TAFA1: variants seen among roughly 807,000 people sequenced by gnomAD.
The protein encoded by TAFA1 is chemokine-like protein TAFA-1.
Under a neutral mutation model 18.5 loss-of-function variants are expected in TAFA1, and 4 were observed. That is an observed-to-expected ratio of 0.22 (90% CI 0.11 to 0.49). The LOEUF (loss-of-function observed/expected upper bound fraction) is 0.49, where lower values mean the gene tolerates loss of function less well. Ranked by LOEUF, TAFA1 falls within the 20% of genes least tolerant of loss-of-function variation. TAFA1 has a pLI of 0.98. For synonymous variants in TAFA1, 56 were observed against 55.2 expected, an observed-to-expected ratio of 1.01 and a Z score of -0.06; for missense variants, 147 against 169.0, an observed-to-expected ratio of 0.87 and a Z score of 0.72.
chr3:68,528,291 T>C (rs1485238498), intron 3 of TAFA1, among the ~76,000 whole-genome samples: 1 of 152,186 alleles, frequency 6.6e-6, no homozygotes, highest in Non-Finnish European at 1.5e-5. Flanking sequence ...GAAAACTTAA[T>C]CTTGAACTAA....
intron 2 of TAFA1, among the ~76,000 whole-genome samples, chr3:68,337,707 T>G (rs1399206411): frequency 1.3e-5 from 2 of 152,184 alleles, no homozygotes; most frequent in African/African-American, 4.8e-5. Context: ...TCTACCCTCT[T>G]AAATGTTTAA....
chr3:68,177,293 T>A (rs1287214148), intron 2 of TAFA1, among the ~76,000 whole-genome samples: 1 of 152,206 alleles, frequency 6.6e-6, no homozygotes, highest in Non-Finnish European at 1.5e-5. Context: ...TCAACATTAA[T>A]GATCAGAGAA....
At chr3:68,117,846 A>G (rs1458787789) in intron 2 of TAFA1, among the ~76,000 whole-genome samples, 2 of 152,166 alleles carry the variant, frequency 1.3e-5, no homozygotes, top group East Asian at 3.8e-4. Flanking sequence ...AATTGTGGTA[A>G]AATATGCACA....
intron 2 of TAFA1, among the ~76,000 whole-genome samples, chr3:68,213,216 C>T (rs1026033888): frequency 3.3e-5 from 5 of 151,880 alleles, no homozygotes; most frequent in African/African-American, 1.2e-4. Flanking sequence ...TGGATGACTA[C>T]CAAGAGACTT....
At chr3:68,068,996 T>C (rs996252426) in intron 2 of TAFA1, among the ~76,000 whole-genome samples, 2 of 152,160 alleles carry the variant, frequency 1.3e-5, no homozygotes, top group Admixed American at 6.5e-5. Context: ...ATTCAAGAGA[T>C]CTAGAGGAGG....
chr3:68,526,650 A>T (rs1482715502), intron 3 of TAFA1, among the ~76,000 whole-genome samples: 1 of 152,186 alleles, frequency 6.6e-6, no homozygotes, highest in Non-Finnish European at 1.5e-5. Context: ...TATATTATAG[A>T]GTCTAATAGT....
In TAFA1 at chr3:68,006,606, G is replaced by A. The variant is rs760410442; in HGVS notation, c.-3-18G>A. On this transcript the variant is annotated intron_variant, in intron 1 of 4. Coordinates refer to ENST00000478136, the MANE Select transcript of TAFA1 (RefSeq NM_213609.4). ...CTTGAAGCCGGAGGTAACCTTTCCT[G>A]TCGAATGTTCTCTTTAGAGAATGGC... 5 of 1,578,136 alleles carry A rather than the reference G, an allele frequency of 3.2e-6. No homozygotes were observed. The highest frequency in any genetic ancestry group is 3.5e-6 in the Non-Finnish European group (4 of 1,147,270).
At chr3:68,144,089 G>A (rs953331181) in intron 2 of TAFA1, among the ~76,000 whole-genome samples, 3 of 151,884 alleles carry the variant, frequency 2.0e-5, no homozygotes, top group African/African-American at 7.3e-5. Flanking sequence ...ACAAATTTAA[G>A]GGCCGTGGGA....
chr3:68,262,786 G>A (rs2067461674), intron 2 of TAFA1, among the ~76,000 whole-genome samples: 1 of 152,114 alleles, frequency 6.6e-6, no homozygotes, highest in Non-Finnish European at 1.5e-5. Flanking sequence ...ACATTCCTTT[G>A]TGTATATACC....
chr3:68,383,185 G>T (rs536301226), intron 2 of TAFA1, among the ~76,000 whole-genome samples: 2 of 151,672 alleles, frequency 1.3e-5, no homozygotes, highest in Admixed American at 1.3e-4. Flanking sequence ...ATTTCTTTCT[G>T]TTGTCTGATT....
intron 2 of TAFA1, among the ~76,000 whole-genome samples, chr3:68,106,296 A>G (rs1372321197): frequency 6.6e-6 from 1 of 152,166 alleles, no homozygotes; most frequent in Non-Finnish European, 1.5e-5. Context: ...GTGCTATCCA[A>G]GTGGAATACT....
At chr3:68,112,412 A>G (rs761672410) in intron 2 of TAFA1, among the ~76,000 whole-genome samples, 1 of 152,240 alleles carries the variant, frequency 6.6e-6, no homozygotes, top group African/African-American at 2.4e-5. Context: ...CAATTAATAC[A>G]GAAAAAGTGT....
intron 2 of TAFA1, among the ~76,000 whole-genome samples, chr3:68,266,947 G>A (rs200430401): frequency 3.5e-5 from 3 of 85,050 alleles, no homozygotes; most frequent in Admixed American, 1.5e-4. Context: ...AAGAACCTTC[G>A]GTGGACTCCA....
chr3:68,534,899 G>T (rs574797038), intron 3 of TAFA1, among the ~76,000 whole-genome samples: 1 of 151,962 alleles, frequency 6.6e-6, no homozygotes, highest in Non-Finnish European at 1.5e-5. Context: ...AAAAAAAAAT[G>T]CAAAAAGCTG....
At chr3:68,059,411 C>T (rs2064574796) in intron 2 of TAFA1, among the ~76,000 whole-genome samples, 1 of 152,150 alleles carries the variant, frequency 6.6e-6, no homozygotes, top group Non-Finnish European at 1.5e-5. Flanking sequence ...CTCAAGGTCA[C>T]AGAGTTAGTA....
chr3:68,328,579 C>T (rs540486429), intron 2 of TAFA1, among the ~76,000 whole-genome samples: 2 of 152,300 alleles, frequency 1.3e-5, no homozygotes, highest in South Asian at 2.1e-4. Context: ...TTGCCTACAG[C>T]ATTTTCCAGG....
chr3:68,000,886 A>C (rs906233190), upstream of TAFA1, among the ~76,000 whole-genome samples: 1 of 152,172 alleles, frequency 6.6e-6, no homozygotes, highest in Non-Finnish European at 1.5e-5. Context: ...TGGCCAGAAG[A>C]GTCTTCATTT....
At chr3:68,267,756 ATGAC>A (rs2067576878) in intron 2 of TAFA1, among the ~76,000 whole-genome samples, 1 of 152,050 alleles carries the variant, frequency 6.6e-6, no homozygotes, top group Non-Finnish European at 1.5e-5. Context: ...CAAGTCTTAT[ATGAC>A]TCTATGCATG....
chr3:68,345,741 T>C (rs1264607668), intron 2 of TAFA1, among the ~76,000 whole-genome samples: 1 of 152,138 alleles, frequency 6.6e-6, no homozygotes. Flanking sequence ...TGTGGAGTAA[T>C]GTTGGAATTT....
Sources: gnomAD v4.1 joint callset for allele counts (sites outside exome capture counted in the v4.1 genomes callset) on GRCh38, gnomAD v4.1.1 for gene constraint, MANE v1.5 for transcripts, NCBI Gene and HGNC (gene_info 2026-07-23, HGNC 2026-07-21) for gene names.